SLIT3: variants seen among roughly 807,000 people sequenced by gnomAD.
SLIT3 encodes the protein slit guidance ligand 3, also known as slit homolog 3 protein.
A neutral mutation model predicts 184.0 loss-of-function variants in SLIT3; 68 were observed. The ratio of observed to expected loss-of-function variants is 0.37; its 90% CI spans 0.30 to 0.45. The LOEUF is 0.45. SLIT3 is among the 20% of genes least tolerant of loss of function. The probability of loss-of-function intolerance (pLI) is 1.00; values close to 1 mark genes in which losing one functional copy is unlikely to be tolerated. For synonymous variants in SLIT3, 831 were observed against 828.6 expected (o/e 1.00, Z -0.05); for missense variants, 1,707 against 2,026.0 (o/e 0.84, Z 3.02).
At chr5:168,714,751 G>A (rs979360626) in intron 23 of SLIT3, among the ~76,000 whole-genome samples, 1 of 152,148 alleles carries the variant, frequency 6.6e-6, no homozygotes, top group African/African-American at 2.4e-5. Context: ...GGGAGAATGA[G>A]TGCTCCTTCC....
rs753742450 is a variant in SLIT3 at position 168,692,603 on chromosome 5, T to C, written c.3176+4A>G. The C allele has an allele frequency of 6.2e-7, 1 of 1,611,216 alleles. No individual in the cohort carries two copies. Among genetic ancestry groups the C allele is most frequent in the South Asian group, 1.1e-5 (1 of 90,832 alleles). On this transcript the variant is annotated splice_donor_region_variant and intron_variant, in intron 29 of 35. Transcript: ENST00000519560. ...TGTGCTGGGGGCACGAAGCCAGGTC[T>C]TACCTGAATCCTTTGTCCAGGGGGA...
rs1756538164 is a variant in SLIT3 at position 168,795,572 on chromosome 5, T to C, written c.942A>G (p.Leu314=). ...GGATGGCTTTGATGGAGTTCTGTTC[T>C]AGGCGTCTGGGAAACAGAGCAGAGA... ...NLPEGIVEIR[L]EQNSIKAIPA... is the part of the protein sequence containing the mutation. The change falls in exon 10 of 36, where the codon CTA becomes CTG. Residue 314 remains leucine, a synonymous_variant. Coordinates refer to ENST00000519560, the MANE Select transcript of SLIT3 (RefSeq NM_003062.4). The C allele has an allele frequency of 6.2e-7, 1 of 1,613,326 alleles. No homozygotes were observed. Among genetic ancestry groups the C allele is most frequent in the Admixed American group, 1.7e-5 (1 of 60,004 alleles).
At chr5:168,787,419 G>A (rs1218594799) in intron 11 of SLIT3, among the ~76,000 whole-genome samples, 1 of 152,168 alleles carries the variant, frequency 6.6e-6, no homozygotes, top group Admixed American at 6.5e-5. Flanking sequence ...GGTCTCCTCA[G>A]GCATCTGGGT....
intron 4 of SLIT3, chr5:169,012,732 T>A (rs1003820076): frequency 3.9e-5 from 6 of 152,198 alleles, no homozygotes. Flanking sequence ...GAAAATGCCT[T>A]TAGGAAGGTA....
chr5:169,127,045 G>A (rs1159065283), intron 4 of SLIT3, among the ~76,000 whole-genome samples: 3 of 152,188 alleles, frequency 2.0e-5, no homozygotes, highest in Non-Finnish European at 4.4e-5. Flanking sequence ...TCATCAGAGA[G>A]TTGGTCTGAT....
intron 4 of SLIT3, among the ~76,000 whole-genome samples, chr5:169,076,644 G>A (rs948381675): frequency 2.0e-5 from 3 of 152,172 alleles, no homozygotes; most frequent in African/African-American, 7.2e-5. Context: ...TGTCTTGAGA[G>A]CCTGAGAGAG....
At chr5:168,748,244 G>A in intron 20 of SLIT3, 58 bp downstream of exon 20, 1 of 1,431,200 alleles carries the variant, frequency 7.0e-7, no homozygotes, top group Non-Finnish European at 9.2e-7. Flanking sequence ...GGTAAAGTAT[G>A]GAGGATGCTG....
At chr5:168,960,790 G>T (rs1421923585) in intron 4 of SLIT3, among the ~76,000 whole-genome samples, 1 of 152,240 alleles carries the variant, frequency 6.6e-6, no homozygotes, top group East Asian at 1.9e-4. Flanking sequence ...GCTATCTGGG[G>T]CTCCAGCAGG....
chr5:169,050,194 C>T (rs923115075), intron 4 of SLIT3, among the ~76,000 whole-genome samples: 2 of 152,204 alleles, frequency 1.3e-5, no homozygotes, highest in Admixed American at 1.3e-4. Flanking sequence ...TTCCTACTTA[C>T]TGCCCAAACC....
intron 4 of SLIT3, among the ~76,000 whole-genome samples, chr5:169,100,305 C>G (rs1242085860): frequency 6.6e-6 from 1 of 152,148 alleles, no homozygotes; most frequent in Non-Finnish European, 1.5e-5. Flanking sequence ...CTGGACTTAA[C>G]AGTTGGGATC....
intron 4 of SLIT3, among the ~76,000 whole-genome samples, chr5:168,988,805 G>A: frequency 6.6e-6 from 1 of 152,124 alleles, no homozygotes; most frequent in Non-Finnish European, 1.5e-5. Context: ...CACTAGAATT[G>A]AGCCTCGAAA....
chr5:169,266,077 C>A (rs1766387863), intron 1 of SLIT3, among the ~76,000 whole-genome samples: 1 of 152,220 alleles, frequency 6.6e-6, no homozygotes, highest in African/African-American at 2.4e-5. Flanking sequence ...TGGCGACTAT[C>A]AGTCCAAAAG....
chr5:168,826,794 C>T (rs1165188523), intron 6 of SLIT3, among the ~76,000 whole-genome samples: 2 of 152,186 alleles, frequency 1.3e-5, no homozygotes, highest in Non-Finnish European at 2.9e-5. Context: ...CAGAGTCTCG[C>T]TGTGTCGCCC....
chr5:169,109,628 C>G (rs969065624), intron 4 of SLIT3, among the ~76,000 whole-genome samples: 11 of 152,328 alleles, frequency 7.2e-5, no homozygotes, highest in African/African-American at 2.6e-4. Flanking sequence ...ACTTTTCCCT[C>G]TCTCTGGAAG....
At chr5:169,117,627 G>A (rs1339351376) in intron 4 of SLIT3, among the ~76,000 whole-genome samples, 1 of 152,132 alleles carries the variant, frequency 6.6e-6, no homozygotes, top group African/African-American at 2.4e-5. Flanking sequence ...GATTTCTAGG[G>A]ACTAAGAGAA....
At position 168,666,576 on chromosome 5, in the gene SLIT3, G is replaced by A. The variant is rs1561863539; in HGVS notation, c.4450C>T (p.Pro1484Ser). 4 of 1,614,094 alleles carry A rather than the reference G, an allele frequency of 2.5e-6. No homozygotes were observed. The highest frequency in any genetic ancestry group is 2.5e-6 in the Non-Finnish European group (3 of 1,179,998). Residue 1484 changes from proline to serine, a missense_variant, in exon 36 of 36, where the codon CCC becomes TCC. Physicochemically the swap from Pro to Ser is moderately conservative, Grantham distance 74. Coordinates refer to ENST00000519560, the MANE Select transcript of SLIT3 (RefSeq NM_003062.4). The part of the protein sequence containing the change: ...PIMECRGGCG[P>S]QCCQPTRSKR... ...CTGCGGGTGGGCTGGCAGCACTGGG[G>A]CCCACAGCCCCCACGACATTCCATG...
rs533989078 is a variant in SLIT3, at chr5:169,118,114, G to A, written c.413+75365C>T. ...GATCACTTGAGCCCAGGAGTTCAAG[G>A]CTGCACTGAGCTATGATCACATTAA... On this transcript the variant is annotated intron_variant, in intron 4 of 35. Coordinates refer to ENST00000519560, the MANE Select transcript of SLIT3 (RefSeq NM_003062.4). 7.9e-5 allele frequency among the ~76,000 whole-genome samples: 12 copies of A among 152,176 alleles called. 1 individual carries two copies. The highest frequency in any genetic ancestry group is 7.9e-4 in the Admixed American group (12 of 15,280).
At chr5:169,086,360 T>C (rs897161161) in intron 4 of SLIT3, among the ~76,000 whole-genome samples, 17 of 152,162 alleles carry the variant, frequency 1.1e-4, no homozygotes, top group African/African-American at 3.4e-4. Flanking sequence ...TTTTGACAAG[T>C]GTTGGCCAGA....
At chr5:168,746,044 C>T (rs1310012938) in intron 20 of SLIT3, among the ~76,000 whole-genome samples, 1 of 152,194 alleles carries the variant, frequency 6.6e-6, no homozygotes, top group African/African-American at 2.4e-5. Context: ...TGAGATTGCA[C>T]ACTTAATAGA....
Sources: gnomAD v4.1 joint callset for allele counts (sites outside exome capture counted in the v4.1 genomes callset) on GRCh38, gnomAD v4.1.1 for gene constraint, MANE v1.5 for transcripts, NCBI Gene and HGNC (gene_info 2026-07-23, HGNC 2026-07-21) for gene names.